The following KLC1 variants were observed in gnomAD, a reference collection of about 807,000 sequenced individuals.
KLC1 encodes kinesin light chain 1, also known as kinesin 2 60/70kDa.
KLC1 carries 30 observed loss-of-function variants against 84.2 expected under a neutral mutation model. That is an observed-to-expected ratio of 0.36 (90% confidence interval 0.27 to 0.48). KLC1 has a LOEUF of 0.48. Ranked by LOEUF, KLC1 falls within the 20% of genes least tolerant of loss-of-function variation. The pLI is 0.99. For synonymous variants in KLC1, 289 were observed against 293.3 expected (o/e 0.99, Z 0.15); for missense variants, 499 against 805.4 (o/e 0.62, Z 4.60).
At position 103,662,041 on chromosome 14, in the gene KLC1, T is replaced by G. The variant is rs973037081; in HGVS notation, c.493-75T>G. 1.9e-5 allele frequency: 18 copies of G among 939,344 alleles called. No homozygotes were observed. The African/African-American group carries it at 2.8e-4, about 15-fold the overall frequency. The allele number at this position is 939,344 out of a possible 1,614,324, so 58.2% of individuals were successfully genotyped here. On this transcript the variant is annotated intron_variant, in intron 3 of 16. Coordinates refer to ENST00000334553, the MANE Select transcript of KLC1 (RefSeq NM_001394837.1). ...CTAAGATTCTTAGTTAAAATGTATT[T>G]AATATTAAAAATTTTCAGGACAGGA...
intron 1 of KLC1, among the ~76,000 whole-genome samples, chr14:103,640,559 A>G (rs1307178893): frequency 6.6e-6 from 1 of 150,938 alleles, no homozygotes; most frequent in African/African-American, 2.4e-5. Flanking sequence ...ATGGGGTTTC[A>G]CCGTGTTAAC....
intron 5 of KLC1, among the ~76,000 whole-genome samples, chr14:103,663,593 A>C (rs2079484770): frequency 6.6e-6 from 1 of 152,068 alleles, no homozygotes; most frequent in African/African-American, 2.4e-5. Context: ...CTGCCTTCTG[A>C]GGCCTGGTGC....
intron 13 of KLC1, chr14:103,685,588 T>C: frequency 7.8e-7 from 1 of 1,289,238 alleles, no homozygotes; most frequent in Non-Finnish European, 1.0e-6. Flanking sequence ...CCTGTTGCCT[T>C]TCCTCGCCGC....
rs990627176 is a variant in KLC1 at position 103,694,633 on chromosome 14, C to G, written c.1848+2208C>G. On this transcript the variant is annotated intron_variant, in intron 15 of 16. Transcript: ENST00000334553. This position sits in a 1 kb window ranked among gnomAD's most constrained non-coding sequence, Gnocchi z 4.5. ...GATTCCAAAGGCTGACGCTCAGCAG[C>G]GCCACCTCCATGCCAGCCAACTAGG... is the stretch of plus-strand genomic sequence containing the variant. 1.4e-5 allele frequency: 14 copies of G among 985,438 alleles called. No individual in the cohort carries two copies. The East Asian group carries it at 9.1e-4, about 64-fold the overall frequency. 61.0% of individuals were successfully genotyped at this position (985,438 alleles called of 1,614,324 possible). A position where few individuals can be genotyped will look rare whatever the true frequency, so the allele number is the denominator to read the frequency against.
chr14:103,691,315 C>T (rs975707397), intron 14 of KLC1, among the ~76,000 whole-genome samples: 2 of 151,600 alleles, frequency 1.3e-5, no homozygotes, highest in East Asian at 1.9e-4. Flanking sequence ...TGTACCACCA[C>T]GCCTGGCTAA....
chr14:103,693,793 C>T lies in KLC1; in HGVS notation c.1848+1368C>T. ...AAACACCCGGGAGGCCGTGCCTCAG[C>T]ATTCTGTTACTCGGCCTGCAGCCCC... On this transcript the variant is annotated intron_variant, in intron 15 of 16. Coordinates refer to ENST00000334553, the MANE Select transcript of KLC1 (RefSeq NM_001394837.1). This position sits in a 1 kb window ranked among gnomAD's most constrained non-coding sequence, Gnocchi z 5.1. 1.4e-6 allele frequency: 2 copies of T among 1,413,476 alleles called. No homozygotes were observed. Among genetic ancestry groups the T allele is most frequent in the Admixed American group, 3.0e-5 (1 of 33,282 alleles). 87.6% of individuals were successfully genotyped at this position (1,413,476 alleles called of 1,614,324 possible).
At chr14:103,700,038 G>A in intron 15 of KLC1, 1 of 270,144 alleles carries the variant, frequency 3.7e-6, no homozygotes, top group South Asian at 4.1e-5. Flanking sequence ...CCAGCCCGTG[G>A]TGGCCATGAC....
intron 1 of KLC1, among the ~76,000 whole-genome samples, chr14:103,632,169 C>T (rs1210287642): frequency 6.6e-6 from 1 of 151,780 alleles, no homozygotes; most frequent in Non-Finnish European, 1.5e-5. Flanking sequence ...GGCTGCAGAT[C>T]GCCCCTAGCT....
rs2081826154 is a variant in KLC1 at position 103,687,176 on chromosome 14, A to C, written c.1746A>C (p.Gly582=). ...SSEKLVRKLK[G]GSSRESEPKN... ...AGAAGCTGGTTAGGAAGCTGAAGGGAGGAAGTTCACGAGAGAGTGAGCCAA... is the reference window on the plus strand; with the variant it reads ...AGAAGCTGGTTAGGAAGCTGAAGGGCGGAAGTTCACGAGAGAGTGAGCCAA... The change falls in exon 14 of 17, where the codon GGA becomes GGC. Residue 582 remains glycine (G), a synonymous_variant. Coordinates refer to ENST00000334553, the MANE Select transcript of KLC1 (RefSeq NM_001394837.1). 2 of 1,548,608 alleles carry C rather than the reference A, an allele frequency of 1.3e-6. No homozygotes were observed. Among genetic ancestry groups the C allele is most frequent in the Non-Finnish European group, 1.7e-6 (2 of 1,144,982 alleles).
At chr14:103,648,705 G>A (rs1166463591) in intron 1 of KLC1, among the ~76,000 whole-genome samples, 1 of 152,232 alleles carries the variant, frequency 6.6e-6, no homozygotes, top group East Asian at 1.9e-4. Context: ...GGAGACTGAG[G>A]TGGGAGGATC....
intron 15 of KLC1, chr14:103,699,679 C>A (rs2151911505): frequency 4.4e-6 from 5 of 1,135,156 alleles, no homozygotes; most frequent in South Asian, 3.8e-5. Context: ...ACCTTCCTAC[C>A]CACCTGGGGC....
chr14:103,681,518 C>CA (rs1036335332), intron 13 of KLC1, among the ~76,000 whole-genome samples: 22 of 152,040 alleles, frequency 1.4e-4, no homozygotes, highest in African/African-American at 5.1e-4. Context: ...GGAGTGCAGT[C>CA]ACGCTATCTC....
At chr14:103,631,006 G>A (rs780917866) in intron 1 of KLC1, among the ~76,000 whole-genome samples, 11 of 152,168 alleles carry the variant, frequency 7.2e-5, no homozygotes, top group African/African-American at 1.4e-4. Flanking sequence ...AGCAAGGGGG[G>A]AGGGAATGAC....
In KLC1 at chr14:103,699,244, T is replaced by C. The variant is rs544850281; in HGVS notation, c.1849-1411T>C. The C allele has an allele frequency of 4.6e-4, 707 of 1,540,886 alleles. 3 individuals are homozygous for C. In the Admixed American group the frequency reaches 0.011, roughly 25 times the overall value. ...GTCTTCTCGATGGTTAGGCACAGGC[T>C]GCTACCCGCAGGAGCCGGAGGCCAC... is the stretch of plus-strand genomic sequence containing the variant. On this transcript the variant is annotated intron_variant, in intron 15 of 16. Coordinates refer to ENST00000334553, the MANE Select transcript of KLC1 (RefSeq NM_001394837.1).
At chr14:103,653,095 T>C (rs114185374) in intron 1 of KLC1, among the ~76,000 whole-genome samples, 2,782 of 152,248 alleles carry the variant, frequency 0.018, 75 homozygotes, top group African/African-American at 0.059. Context: ...AGGAGCTGCC[T>C]CTAGAAGCTG....
chr14:103,695,744 T>C (rs546401135), intron 15 of KLC1: 5 of 985,442 alleles, frequency 5.1e-6, no homozygotes, highest in Admixed American at 1.2e-4. Context: ...CATGGGACTT[T>C]AGGGCCGAGG....
Position 103,629,238 on chromosome 14 carries a change from G to C in KLC1, c.-258G>C, listed in dbSNP as rs2076492479. ...TTTCGGCGGCGGGAGCGGCGCAGGC[G>C]GCCGAGCGGGACTGGCTGGGTCGGC... On this transcript the variant is annotated 5_prime_UTR_variant, in exon 1 of 17. Transcript: ENST00000334553. 1 of 153,198 alleles carries C rather than the reference G, an allele frequency of 6.5e-6. No homozygotes were observed. 9.5% of individuals were successfully genotyped at this position (153,198 alleles called of 1,614,324 possible). A position where few individuals can be genotyped will look rare whatever the true frequency, so the allele number is the denominator to read the frequency against.
rs2083192406 is a variant in KLC1, at chr14:103,701,506, T to C, written c.*307T>C. ...TCACGTTGTGTGCGATAACGTATTT[T>C]ATTGTACATTTTTTTAAATTAAAAG... On this transcript the variant is annotated 3_prime_UTR_variant, in exon 17 of 17. Coordinates refer to ENST00000334553, the MANE Select transcript of KLC1 (RefSeq NM_001394837.1). 1 of 386,046 alleles carries C rather than the reference T, an allele frequency of 2.6e-6. No individual in the cohort carries two copies. The highest frequency in any genetic ancestry group is 1.0e-4 in the South Asian group (1 of 9,876). The allele number at this position is 386,046 out of a possible 1,614,324, so 23.9% of individuals were successfully genotyped here.
chr14:103,699,166 A>G, intron 15 of KLC1: 1 of 1,567,808 alleles, frequency 6.4e-7, no homozygotes, highest in South Asian at 1.2e-5. Flanking sequence ...CTGCTCCTCC[A>G]TGGCCTCTGT....
Sources: allele counts gnomAD v4.1 joint callset (sites outside exome capture counted in the v4.1 genomes callset), GRCh38; gene constraint gnomAD v4.1.1; non-coding constraint Gnocchi (gnomAD v3.1); transcripts MANE v1.5; gene names NCBI Gene and HGNC (gene_info 2026-07-23, HGNC 2026-07-21).